The following ZDHHC9 variants were observed in gnomAD, a reference collection of about 807,000 sequenced individuals.
ZDHHC9 encodes zDHHC palmitoyltransferase 9.
In ZDHHC9, 3 loss-of-function variants were observed where a neutral mutation model predicts 26.6. The observed-to-expected ratio is 0.11, with a 90% CI of 0.05 to 0.29. The LOEUF (loss-of-function observed/expected upper bound fraction) is 0.29, where lower values mean the gene tolerates loss of function less well. Among genes scored for constraint, ZDHHC9 ranks in the 10% least tolerant of loss-of-function variants. The probability of loss-of-function intolerance (pLI) is 1.00; values close to 1 mark genes in which losing one functional copy is unlikely to be tolerated. For missense variants in ZDHHC9, 146 were observed against 296.4 expected (o/e 0.49, Z 3.73); for synonymous variants, 111 against 109.4 (o/e 1.01, Z -0.09).
At chrX:129,842,374 T>G (rs924633521) in intron 2 of ZDHHC9, among the ~76,000 whole-genome samples, 1 of 112,291 alleles carries the variant, frequency 8.9e-6, no homozygotes, top group African/African-American at 3.2e-5. Flanking sequence ...TAGGTGATCG[T>G]GCCAATTATT....
At chrX:129,832,463 C>T (rs1324703559) in intron 3 of ZDHHC9, among the ~76,000 whole-genome samples, 1 of 111,262 alleles carries the variant, frequency 9.0e-6, no homozygotes, top group African/African-American at 3.3e-5. Context: ...TCCTGGCCAA[C>T]ATGGCAAAAC....
At position 129,803,668 on chromosome X, in the gene ZDHHC9, C is replaced by G. The variant is rs754672146; in HGVS notation, c.*2702G>C. The G allele has an allele frequency of 1.8e-5, 2 of 111,236 alleles. No homozygotes were observed. The highest frequency in any genetic ancestry group is 6.5e-5 in the African/African-American group (2 of 30,619). The allele number at this position is 111,236 out of a possible 1,213,427, so 9.2% of individuals were successfully genotyped here. On this transcript the variant is annotated 3_prime_UTR_variant, in exon 11 of 11. Transcript: ENST00000357166. ...GCAAAGGAGGAGATGATGATCTCAG[C>G]TAGGGCCAGGAAGGCCTCAGAGCTG...
chrX:129,842,723 T>G (rs1008482589), intron 2 of ZDHHC9, among the ~76,000 whole-genome samples: 1 of 112,815 alleles, frequency 8.9e-6, no homozygotes, highest in African/African-American at 3.2e-5. Context: ...AGATTTCCCC[T>G]CATCAAACCC....
intron 7 of ZDHHC9, 113 bp downstream of exon 7, chrX:129,813,564 C>T: frequency 1.3e-6 from 1 of 794,202 alleles, no homozygotes. Context: ...TATTTTAGAC[C>T]TTGGCACTCT....
At chrX:129,821,541 T>C in intron 5 of ZDHHC9, among the ~76,000 whole-genome samples, 1 of 108,557 alleles carries the variant, frequency 9.2e-6, no homozygotes, top group African/African-American at 3.3e-5. Flanking sequence ...TCCTCCCGCT[T>C]TGGCCTCCCA....
chrX:129,807,685 G>C (rs1380882499), intron 10 of ZDHHC9, among the ~76,000 whole-genome samples: 2 of 110,921 alleles, frequency 1.8e-5, no homozygotes, highest in African/African-American at 6.6e-5. Flanking sequence ...CCGGTGTGGT[G>C]GTGGGCACCT....
intron 5 of ZDHHC9, among the ~76,000 whole-genome samples, chrX:129,818,357 T>C (rs1236138464): frequency 2.7e-5 from 3 of 111,852 alleles, no homozygotes; most frequent in East Asian, 2.8e-4. Context: ...CCAAGCAGAC[T>C]AATATAGGTA....
intron 4 of ZDHHC9, among the ~76,000 whole-genome samples, chrX:129,824,662 A>G (rs974017248): frequency 8.9e-6 from 1 of 112,089 alleles, no homozygotes; most frequent in Non-Finnish European, 1.9e-5. Flanking sequence ...CAAAATTATA[A>G]TGAGATATAC....
chrX:129,818,454 A>G (rs959722809), intron 5 of ZDHHC9, among the ~76,000 whole-genome samples: 19 of 112,487 alleles, frequency 1.7e-4, no homozygotes, highest in Middle Eastern at 4.6e-3. Context: ...CAGCAGCTGC[A>G]TGATTTTACA....
chrX:129,838,843 C>T (rs891811312), intron 3 of ZDHHC9, among the ~76,000 whole-genome samples: 3 of 112,142 alleles, frequency 2.7e-5, no homozygotes, highest in African/African-American at 9.7e-5. Context: ...TATGTAAAGG[C>T]ATAATCCAAA....
rs1298211702 is a variant in ZDHHC9, at chrX:129,843,831, C to T, written c.-339G>A. On this transcript the variant is annotated 5_prime_UTR_variant, in exon 1 of 11. Coordinates refer to ENST00000357166, the MANE Select transcript of ZDHHC9 (RefSeq NM_016032.4). ...AGGCTGTCTCCTCCTGACAAGGGGC[C>T]CCAGTGGTCGGGGCCCTAAACCAGC... 8.9e-6 allele frequency: 1 copy of T among 111,937 alleles called. No homozygotes were observed. The highest frequency in any genetic ancestry group is 1.9e-5 in the Non-Finnish European group (1 of 53,012). The allele number at this position is 111,937 out of a possible 1,213,427, so 9.2% of individuals were successfully genotyped here. A position where few individuals can be genotyped will look rare whatever the true frequency, so the allele number is the denominator to read the frequency against.
chrX:129,828,924 C>T, intron 4 of ZDHHC9, 57 bp downstream of exon 4: 1 of 1,196,695 alleles, frequency 8.4e-7, no homozygotes, highest in Non-Finnish European at 1.1e-6. Flanking sequence ...ATTCCATTCT[C>T]TTACTGATTA....
At chrX:129,814,618 C>T in intron 6 of ZDHHC9, 40 bp downstream of exon 6, 1 of 1,209,399 alleles carries the variant, frequency 8.3e-7, no homozygotes, top group East Asian at 3.0e-5. Context: ...TTCCCCCACC[C>T]AGCCCCACTC....
Position 129,804,592 on chromosome X carries a change from C to G in ZDHHC9, c.*1778G>C, listed in dbSNP as rs959400923. The G allele has an allele frequency of 1.8e-5, 2 of 111,236 alleles. No homozygotes were observed. The highest frequency in any genetic ancestry group is 2.8e-4 in the East Asian group (1 of 3,566). The allele number at this position is 111,236 out of a possible 1,213,427, so 9.2% of individuals were successfully genotyped here. ...TTTCCAAGGGGGGGCCCTGATGAGC[C>G]TGCGTTAATAACTAAGACTTATTAG... is the stretch of plus-strand genomic sequence containing the variant. On this transcript the variant is annotated 3_prime_UTR_variant, in exon 11 of 11. Transcript: ENST00000357166.
In ZDHHC9 at chrX:129,806,079, G is replaced by A. The variant is rs1927508719; in HGVS notation, c.*291C>T. 6.1e-6 allele frequency: 2 copies of A among 328,730 alleles called. No homozygotes were observed. The highest frequency in any genetic ancestry group is 9.3e-5 in the Admixed American group (2 of 21,599). 27.1% of individuals were successfully genotyped at this position (328,730 alleles called of 1,213,427 possible). ...AGGGCTGGGATCTGGAGGGAAGAGA[G>A]GGGGTCCAAGGGGACCCTGTGGCTG... On this transcript the variant is annotated 3_prime_UTR_variant, in exon 11 of 11. Coordinates refer to ENST00000357166, the MANE Select transcript of ZDHHC9 (RefSeq NM_016032.4).
At chrX:129,824,597 A>G (rs966391971) in intron 4 of ZDHHC9, among the ~76,000 whole-genome samples, 1 of 111,954 alleles carries the variant, frequency 8.9e-6, no homozygotes, top group Admixed American at 9.5e-5. Flanking sequence ...GCCAGCTACC[A>G]AAGTTTTAAA....
intron 3 of ZDHHC9, among the ~76,000 whole-genome samples, chrX:129,833,573 A>T (rs1487147487): frequency 8.9e-6 from 1 of 112,229 alleles, no homozygotes; most frequent in Non-Finnish European, 1.9e-5. Flanking sequence ...CTTTCTTGCT[A>T]TGTTTTTTGG....
intron 10 of ZDHHC9, among the ~76,000 whole-genome samples, chrX:129,810,426 G>A (rs1445050937): frequency 1.8e-5 from 2 of 110,894 alleles, no homozygotes; most frequent in Admixed American, 1.9e-4. Context: ...ATCTTAAATA[G>A]GACAGCTGGG....
At chrX:129,831,065 GT>G (rs1466742393) in intron 3 of ZDHHC9, among the ~76,000 whole-genome samples, 1 of 111,427 alleles carries the variant, frequency 9.0e-6, no homozygotes, top group African/African-American at 3.3e-5. Context: ...TGAGTTCAGG[GT>G]AATTAAGGTT....
Sources: gnomAD v4.1 joint callset for allele counts (sites outside exome capture counted in the v4.1 genomes callset) on GRCh38, gnomAD v4.1.1 for gene constraint, MANE v1.5 for transcripts, NCBI Gene and HGNC (gene_info 2026-07-23, HGNC 2026-07-21) for gene names.